The following ITSN1 variants were observed in gnomAD, a reference collection of about 807,000 sequenced individuals.
ITSN1 encodes intersectin 1.
ITSN1 carries 58 observed loss-of-function variants against 239.8 expected under a neutral mutation model. The observed-to-expected ratio is 0.24, with a 90% CI of 0.20 to 0.30. ITSN1 has a LOEUF of 0.30. Ranked by LOEUF, ITSN1 falls within the 10% of genes least tolerant of loss-of-function variation. The pLI, the probability that ITSN1 is intolerant of heterozygous loss-of-function variation, is 1.00. For synonymous variants in ITSN1, 780 were observed against 770.8 expected, an observed-to-expected ratio of 1.01 and a Z score of -0.20; for missense variants, 1,558 against 2,103.3, an observed-to-expected ratio of 0.74 and a Z score of 5.07.
chr21:33,783,412 C>T (rs563958741), intron 16 of ITSN1, among the ~76,000 whole-genome samples: 18 of 152,184 alleles, frequency 1.2e-4, no homozygotes, highest in Non-Finnish European at 1.5e-4. Context: ...CTCAATTGTA[C>T]GATTCCAGGA....
chr21:33,781,771 G>A (rs981644118), intron 15 of ITSN1, among the ~76,000 whole-genome samples: 2 of 152,010 alleles, frequency 1.3e-5, no homozygotes, highest in African/African-American at 4.8e-5. Flanking sequence ...TAGAGATGGG[G>A]TTTCACTATA....
chr21:33,704,018 C>T lies in ITSN1; in HGVS notation c.-32-14779C>T, dbSNP rs556226297. Among the ~76,000 whole-genome samples the T allele has an allele frequency of 1.1e-4, 16 of 152,314 alleles. No homozygotes were observed. In the South Asian group the frequency reaches 1.9e-3, roughly 18 times the overall value. ...CAGAGAGAAGAATGCCTTTCCTTTT[C>T]TCTAGGTATGTTTCTGTTTGTTTTC... On this transcript the variant is annotated intron_variant, in intron 1 of 39. Coordinates refer to ENST00000381318, the MANE Select transcript of ITSN1 (RefSeq NM_003024.3).
intron 27 of ITSN1, among the ~76,000 whole-genome samples, chr21:33,834,089 G>C (rs2074461724): frequency 6.6e-6 from 1 of 152,166 alleles, no homozygotes; most frequent in African/African-American, 2.4e-5. Context: ...TCTAGCCGAA[G>C]CAAAAACATT....
chr21:33,872,334 A>G (rs1982886460), intron 33 of ITSN1, among the ~76,000 whole-genome samples: 1 of 152,234 alleles, frequency 6.6e-6, no homozygotes, highest in Admixed American at 6.5e-5. Flanking sequence ...GAAGGTAACT[A>G]TTTAGACGCA....
intron 33 of ITSN1, among the ~76,000 whole-genome samples, chr21:33,867,637 T>C (rs1397301256): frequency 1.5e-4 from 9 of 61,278 alleles, no homozygotes; most frequent in Admixed American, 4.1e-4. Flanking sequence ...CCTATCTCTA[T>C]TAAAAAAAAA....
intron 34 of ITSN1, among the ~76,000 whole-genome samples, chr21:33,877,080 G>T (rs1401000646): frequency 2.0e-3 from 16 of 8,016 alleles, no homozygotes; most frequent in South Asian, 0.014. Flanking sequence ...TTGAAATGGA[G>T]TCTCGCTCTG....
intron 1 of ITSN1, among the ~76,000 whole-genome samples, chr21:33,651,110 A>G (rs2088491026): frequency 6.6e-6 from 1 of 152,220 alleles, no homozygotes; most frequent in South Asian, 2.1e-4. Context: ...TTGTTGGTTT[A>G]TTAAATCAAG....
At chr21:33,871,150 A>G (rs1602663053) in intron 33 of ITSN1, among the ~76,000 whole-genome samples, 1 of 151,876 alleles carries the variant, frequency 6.6e-6, no homozygotes, top group Non-Finnish European at 1.5e-5. Context: ...ACAAAAAACA[A>G]AAACCCAAAT....
At chr21:33,647,379 C>A (rs2146071411) in intron 1 of ITSN1, among the ~76,000 whole-genome samples, 1 of 152,088 alleles carries the variant, frequency 6.6e-6, no homozygotes, top group East Asian at 1.9e-4. Flanking sequence ...ATGGTTGTAA[C>A]CTGCTTTTTT....
At chr21:33,723,396 C>T (rs1157457432) in intron 4 of ITSN1, among the ~76,000 whole-genome samples, 2 of 152,092 alleles carry the variant, frequency 1.3e-5, no homozygotes, top group Admixed American at 6.5e-5. Flanking sequence ...GGGCGGATCA[C>T]GAGGTCAGGA....
intron 21 of ITSN1, among the ~76,000 whole-genome samples, chr21:33,812,216 C>T (rs1344414826): frequency 2.0e-5 from 3 of 152,174 alleles, no homozygotes; most frequent in South Asian, 2.1e-4. Flanking sequence ...TTGGTCTTGA[C>T]TGAAAAGTTC....
At chr21:33,819,421 T>TA in intron 24 of ITSN1, 98 bp downstream of exon 24, 1 of 803,002 alleles carries the variant, frequency 1.2e-6, no homozygotes, top group Non-Finnish European at 2.1e-6. Context: ...AGACTGCATT[T>TA]ATGATCAGTA....
At chr21:33,704,974 G>T in intron 1 of ITSN1, among the ~76,000 whole-genome samples, 1 of 151,108 alleles carries the variant, frequency 6.6e-6, no homozygotes, top group Non-Finnish European at 1.5e-5. Flanking sequence ...AGCCAGGCGT[G>T]GTGGCAGGTG....
chr21:33,874,394 T>A (rs550682657), intron 33 of ITSN1, among the ~76,000 whole-genome samples: 51 of 152,204 alleles, frequency 3.4e-4, no homozygotes, highest in African/African-American at 9.6e-4. Flanking sequence ...CCGCTCCTCT[T>A]ATGCCCCAGG....
intron 1 of ITSN1, among the ~76,000 whole-genome samples, chr21:33,680,052 G>A (rs1428646047): frequency 6.6e-6 from 1 of 152,002 alleles, no homozygotes; most frequent in Non-Finnish European, 1.5e-5. Context: ...TAGTTCGCTT[G>A]GCCTGCTGTC....
At chr21:33,717,034 C>G (rs935456582) in intron 1 of ITSN1, among the ~76,000 whole-genome samples, 5 of 151,418 alleles carry the variant, frequency 3.3e-5, no homozygotes, top group Non-Finnish European at 5.9e-5. Context: ...GAACAGAGAA[C>G]AAGAAAGTGC....
At chr21:33,858,615 C>A in intron 30 of ITSN1, 71 bp from the exon 31 acceptor site, 1 of 939,864 alleles carries the variant, frequency 1.1e-6, no homozygotes, top group Non-Finnish European at 1.7e-6. Flanking sequence ...CTGCTCTCAG[C>A]GGATCGGCGT....
Position 33,765,914 on chromosome 21 carries a change from A to G in ITSN1, c.828A>G (p.Ala276=). The change falls in exon 10 of 40, where the codon GCA becomes GCG. Residue 276 remains alanine, a synonymous_variant. Transcript: ENST00000381318. ...SDIDQDGKLT[A]EEFILAMHLI... Reference sequence around the variant, plus strand: ...TTGATCAAGATGGAAAACTTACAGCAGAGGAATTTATCCTGGCAATGCACC... The same window carrying G: ...TTGATCAAGATGGAAAACTTACAGCGGAGGAATTTATCCTGGCAATGCACC... The G allele has an allele frequency of 1.9e-6, 3 of 1,614,166 alleles. No individual in the cohort carries two copies. Among genetic ancestry groups the G allele is most frequent in the East Asian group, 2.2e-5 (1 of 44,888 alleles).
chr21:33,700,813 G>T (rs2091973174), intron 1 of ITSN1, among the ~76,000 whole-genome samples: 1 of 152,174 alleles, frequency 6.6e-6, no homozygotes, highest in Non-Finnish European at 1.5e-5. Context: ...ATAATTAAGT[G>T]AAAAACAGAT....
Sources: gnomAD v4.1 joint callset for allele counts (sites outside exome capture counted in the v4.1 genomes callset) on GRCh38, gnomAD v4.1.1 for gene constraint, MANE v1.5 for transcripts, NCBI Gene and HGNC (gene_info 2026-07-23, HGNC 2026-07-21) for gene names.